SYN3: variants seen among roughly 807,000 people sequenced by gnomAD.
SYN3 encodes synapsin III.
SYN3 carries 35 observed loss-of-function variants against 65.8 expected under a neutral mutation model. The observed-to-expected ratio is 0.53, with a 90% CI of 0.41 to 0.70. The LOEUF is 0.70. SYN3 is among the 30% of genes least tolerant of loss of function. The pLI, the probability that SYN3 is intolerant of heterozygous loss-of-function variation, is 0.00. For missense variants in SYN3, 680 were observed against 749.0 expected, an observed-to-expected ratio of 0.91 and a Z score of 1.08; for synonymous variants, 270 against 292.9, an observed-to-expected ratio of 0.92 and a Z score of 0.80.
chr22:32,522,934 A>G (rs933025974), intron 12 of SYN3, among the ~76,000 whole-genome samples: 89 of 152,142 alleles, frequency 5.8e-4, no homozygotes, highest in African/African-American at 2.1e-3. Context: ...TGTATTTTAT[A>G]CAGGCATACC....
At chr22:32,607,120 A>C (rs866153835) in intron 6 of SYN3, among the ~76,000 whole-genome samples, 5 of 149,812 alleles carry the variant, frequency 3.3e-5, no homozygotes, top group Middle Eastern at 7.0e-3. Flanking sequence ...GCTGGCTTGC[A>C]TCTCCCTGCC....
chr22:32,880,073 C>G (rs1281215214), intron 4 of SYN3, among the ~76,000 whole-genome samples: 8 of 152,114 alleles, frequency 5.3e-5, no homozygotes, highest in Non-Finnish European at 1.2e-4. Flanking sequence ...AGGTTTTTGA[C>G]TCCCACCTCC....
intron 6 of SYN3, among the ~76,000 whole-genome samples, chr22:32,658,855 C>T (rs56115008): frequency 0.04 from 6,019 of 152,138 alleles, 262 homozygotes; most frequent in African/African-American, 0.11. Context: ...AGGATGGGGG[C>T]GTGAGGAAGC....
chr22:32,546,004 A>C (rs1760504344), intron 7 of SYN3, among the ~76,000 whole-genome samples: 1 of 152,120 alleles, frequency 6.6e-6, no homozygotes, highest in Non-Finnish European at 1.5e-5. Context: ...ATCATGACTC[A>C]CTGCAGCCTT....
In SYN3 at chr22:32,514,057, G is replaced by A. The variant is rs1248989546; in HGVS notation, c.1611-233C>T. Among the ~76,000 whole-genome samples the A allele has an allele frequency of 2.6e-5, 4 of 152,170 alleles. No homozygotes were observed. The East Asian group carries it at 5.8e-4, about 22-fold the overall frequency. Reference sequence around the variant, plus strand: ...CAGAAATAGGGGTTCACAGAGTCAAGTAACTTGCTCCGGTCCTCACAGCAA... The same window carrying A: ...CAGAAATAGGGGTTCACAGAGTCAAATAACTTGCTCCGGTCCTCACAGCAA... On this transcript the variant is annotated intron_variant, in intron 13 of 13. Transcript: ENST00000358763.
At chr22:32,822,936 A>T (rs370389662) in intron 6 of SYN3, among the ~76,000 whole-genome samples, 1 of 151,266 alleles carries the variant, frequency 6.6e-6, no homozygotes, top group Non-Finnish European at 1.5e-5. Flanking sequence ...CAACAAAAAA[A>T]AAACAGAGAG....
At chr22:32,804,436 GACCCACACA>G (rs2145944882) in intron 6 of SYN3, among the ~76,000 whole-genome samples, 1 of 152,264 alleles carries the variant, frequency 6.6e-6, no homozygotes, top group African/African-American at 2.4e-5. Flanking sequence ...CATTCCTTGG[GACCCACACA>G]ACCCCACCAG....
chr22:32,978,397 G>A (rs1289069341), intron 3 of SYN3, among the ~76,000 whole-genome samples: 1 of 152,084 alleles, frequency 6.6e-6, no homozygotes, highest in Non-Finnish European at 1.5e-5. Context: ...AGAGAATTAG[G>A]GAGGAGTAGG....
chr22:32,962,567 C>T (rs556777328), intron 3 of SYN3, among the ~76,000 whole-genome samples: 4 of 152,248 alleles, frequency 2.6e-5, no homozygotes, highest in South Asian at 2.1e-4. Flanking sequence ...AATGAGGCGG[C>T]GAGTTAGCTG....
At chr22:32,619,891 G>A (rs78761690) in intron 6 of SYN3, among the ~76,000 whole-genome samples, 11,528 of 152,286 alleles carry the variant, frequency 0.076, 566 homozygotes, top group East Asian at 0.2. Context: ...GAGAGAATAC[G>A]TGGAAGAGTG....
intron 9 of SYN3, among the ~76,000 whole-genome samples, chr22:32,537,508 C>T (rs922433566): frequency 3.3e-5 from 5 of 152,122 alleles, no homozygotes; most frequent in African/African-American, 4.8e-5. Flanking sequence ...GGAGAAAGAC[C>T]GAAAAACCCT....
chr22:32,972,998 G>T (rs950187093), intron 3 of SYN3, among the ~76,000 whole-genome samples: 1 of 152,058 alleles, frequency 6.6e-6, no homozygotes, highest in Non-Finnish European at 1.5e-5. Context: ...GAAAGAGGGG[G>T]ACCCTGTCTC....
At chr22:32,881,465 G>C (rs1489778315) in intron 4 of SYN3, among the ~76,000 whole-genome samples, 3 of 152,140 alleles carry the variant, frequency 2.0e-5, no homozygotes, top group African/African-American at 7.2e-5. Flanking sequence ...TGCCTGGTAG[G>C]GCACCCCCTC....
At chr22:32,611,852 C>A (rs2059450362) in intron 6 of SYN3, among the ~76,000 whole-genome samples, 1 of 152,044 alleles carries the variant, frequency 6.6e-6, no homozygotes, top group South Asian at 2.1e-4. Flanking sequence ...TTGGTGGGCT[C>A]CTGGATAGCT....
intron 1 of SYN3, among the ~76,000 whole-genome samples, chr22:33,039,919 T>C (rs1470067196): frequency 2.6e-5 from 4 of 152,190 alleles, no homozygotes; most frequent in Non-Finnish European, 4.4e-5. Context: ...TACCAGAAAG[T>C]GTTAGCTCAT....
intron 6 of SYN3, among the ~76,000 whole-genome samples, chr22:32,746,852 A>C (rs2044948946): frequency 6.6e-6 from 1 of 152,158 alleles, no homozygotes; most frequent in African/African-American, 2.4e-5. Flanking sequence ...CTTTCCCATT[A>C]AGCCAGACAT....
intron 6 of SYN3, among the ~76,000 whole-genome samples, chr22:32,716,901 C>A (rs572312481): frequency 4.1e-4 from 62 of 152,168 alleles, no homozygotes; most frequent in African/African-American, 1.4e-3. Flanking sequence ...CATTCAGTAG[C>A]ATGAAATACA....
intron 1 of SYN3, among the ~76,000 whole-genome samples, chr22:33,041,196 C>T (rs371067543): frequency 7.2e-5 from 11 of 152,056 alleles, no homozygotes; most frequent in South Asian, 2.1e-4. Context: ...GGATTACAGG[C>T]GTGAGTCACT....
chr22:32,544,658 A>G (rs920908875), intron 7 of SYN3, among the ~76,000 whole-genome samples: 4 of 152,198 alleles, frequency 2.6e-5, no homozygotes, highest in Non-Finnish European at 5.9e-5. Context: ...TTCACAGTCT[A>G]TGTTGCCACC....
Sources: allele counts gnomAD v4.1 joint callset (sites outside exome capture counted in the v4.1 genomes callset), GRCh38; gene constraint gnomAD v4.1.1; transcripts MANE v1.5; gene names NCBI Gene and HGNC (gene_info 2026-07-23, HGNC 2026-07-21).